The following MYO9B variants were observed in gnomAD, a reference collection of about 807,000 sequenced individuals.
MYO9B encodes unconventional myosin-IXb.
Under a neutral mutation model 229.5 loss-of-function variants are expected in MYO9B, and 71 were observed. That is an observed-to-expected ratio of 0.31 (90% CI 0.26 to 0.38). The LOEUF (loss-of-function observed/expected upper bound fraction) is 0.38, where lower values mean the gene tolerates loss of function less well. Ranked by LOEUF, MYO9B falls within the 10% of genes least tolerant of loss-of-function variation. The probability of loss-of-function intolerance (pLI) is 1.00; values close to 1 mark genes in which losing one functional copy is unlikely to be tolerated. For synonymous variants in MYO9B, 1,185 were observed against 1,235.8 expected, an observed-to-expected ratio of 0.96 and a Z score of 0.86; for missense variants, 2,255 against 2,920.5, an observed-to-expected ratio of 0.77 and a Z score of 5.25.
intron 13 of MYO9B, among the ~76,000 whole-genome samples, chr19:17,175,300 TG>T (rs1300516662): frequency 4.2e-5 from 6 of 142,924 alleles, no homozygotes; most frequent in Non-Finnish European, 6.1e-5. Flanking sequence ...AAAAAAAGGT[TG>T]GGGGGTGTTG....
chr19:17,197,591 CT>C (rs1189173732), intron 22 of MYO9B, among the ~76,000 whole-genome samples, 200 bp from the exon 23 acceptor site: 1 of 152,166 alleles, frequency 6.6e-6, no homozygotes, highest in Non-Finnish European at 1.5e-5. Context: ...CATCCCTGCC[CT>C]CCACTCACCA....
chr19:17,154,938 C>T (rs1467408752), intron 6 of MYO9B, among the ~76,000 whole-genome samples: 3 of 151,940 alleles, frequency 2.0e-5, no homozygotes, highest in Non-Finnish European at 2.9e-5. Flanking sequence ...GAACTAATCA[C>T]GCCACTCTGG....
intron 10 of MYO9B, among the ~76,000 whole-genome samples, chr19:17,167,575 G>A (rs1002105451): frequency 6.6e-6 from 1 of 150,724 alleles, no homozygotes; most frequent in Non-Finnish European, 1.5e-5. Flanking sequence ...CACTTCCCGT[G>A]TTCAAGCGAT....
rs1296510413 is a variant in MYO9B, at chr19:17,198,140, C to T, written c.4114-44C>T. On this transcript the variant is annotated intron_variant, in intron 23 of 39. Coordinates refer to ENST00000682292, the MANE Select transcript of MYO9B (RefSeq NM_004145.4). ...AGGGGCTTCCCCATCTAGCACAGGACTGCCAGCCTTTCCTTAGCAGCCCCC... is the reference window on the plus strand; with the variant it reads ...AGGGGCTTCCCCATCTAGCACAGGATTGCCAGCCTTTCCTTAGCAGCCCCC... 2.5e-6 allele frequency: 4 copies of T among 1,611,384 alleles called. No homozygotes were observed. The South Asian group carries it at 3.3e-5, about 13-fold the overall frequency.
At chr19:17,177,922 C>A in intron 14 of MYO9B, 1 of 152,690 alleles carries the variant, frequency 6.5e-6, no homozygotes. Context: ...CCGAGGCCAG[C>A]AAGGCACCAA....
chr19:17,139,308 G>A (rs1453326619), intron 2 of MYO9B, among the ~76,000 whole-genome samples: 5 of 152,174 alleles, frequency 3.3e-5, no homozygotes, highest in Non-Finnish European at 7.3e-5. Flanking sequence ...CATAGGCCAG[G>A]CCTGGTGGCT....
At chr19:17,190,942 G>A (rs573078249) in intron 19 of MYO9B, among the ~76,000 whole-genome samples, 155 bp from the exon 20 acceptor site, 3 of 152,208 alleles carry the variant, frequency 2.0e-5, no homozygotes, top group East Asian at 3.9e-4. Flanking sequence ...ACCACACCCG[G>A]CCCAGACTAT....
chr19:17,185,454 G>A (rs536783178), intron 17 of MYO9B, among the ~76,000 whole-genome samples: 1 of 151,338 alleles, frequency 6.6e-6, no homozygotes, highest in East Asian at 1.9e-4. Flanking sequence ...GCTGAGGCAG[G>A]AGAATTGCTT....
At chr19:17,189,780 T>C (rs1328429090) in intron 19 of MYO9B, among the ~76,000 whole-genome samples, 1 of 152,056 alleles carries the variant, frequency 6.6e-6, no homozygotes, top group Non-Finnish European at 1.5e-5. Flanking sequence ...TTACAGACTG[T>C]TGGCTGGGCG....
intron 10 of MYO9B, among the ~76,000 whole-genome samples, chr19:17,163,372 C>CTTTTTTTT (rs3031315): frequency 4.3e-5 from 4 of 92,394 alleles, no homozygotes; most frequent in African/African-American, 9.3e-5. Context: ...CCCCATTCCA[C>CTTTTTTTT]TTTTTTTTTT....
chr19:17,087,027 T>C (rs2057589728), intron 1 of MYO9B, among the ~76,000 whole-genome samples: 1 of 152,190 alleles, frequency 6.6e-6, no homozygotes, highest in South Asian at 2.1e-4. Flanking sequence ...CTCCTTGCTT[T>C]GTGGTGAGTG....
intron 2 of MYO9B, among the ~76,000 whole-genome samples, chr19:17,113,520 C>T (rs1465129574): frequency 2.6e-5 from 4 of 152,134 alleles, no homozygotes; most frequent in Admixed American, 2.6e-4. Context: ...GTTATCCACA[C>T]AAACATCTAG....
At position 17,132,537 on chromosome 19, in the gene MYO9B, T is replaced by A. The variant is rs1293454530; in HGVS notation, c.841-12860T>A. ...ATTTATTATTATTATTTTTTTTTTT[T>A]TTTTTTTTTGAGACAGAGTCTCGCT... On this transcript the variant is annotated intron_variant, in intron 2 of 39. Coordinates refer to ENST00000682292, the MANE Select transcript of MYO9B (RefSeq NM_004145.4). Among the ~76,000 whole-genome samples, 339 of 139,954 alleles carry A rather than the reference T, an allele frequency of 2.4e-3. 1 individual carries two copies. Among genetic ancestry groups the A allele is most frequent in the African/African-American group, 7.3e-3 (275 of 37,896 alleles). The allele number at this position is 139,954 out of a possible 152,430, so 91.8% of individuals were successfully genotyped here.
chr19:17,097,531 A>G (rs1378930540), intron 1 of MYO9B, among the ~76,000 whole-genome samples: 3 of 152,216 alleles, frequency 2.0e-5, no homozygotes, highest in Admixed American at 2.0e-4. Flanking sequence ...TAAACTATAC[A>G]GTATATATCT....
chr19:17,153,712 AAAAG>A (rs1217240817), intron 4 of MYO9B, among the ~76,000 whole-genome samples: 2 of 151,616 alleles, frequency 1.3e-5, no homozygotes, highest in East Asian at 1.9e-4. Context: ...AAAAAAAAAG[AAAAG>A]AAAGAAACAT....
chr19:17,145,579 T>C, intron 3 of MYO9B, 88 bp downstream of exon 3: 3 of 1,156,924 alleles, frequency 2.6e-6, no homozygotes, highest in Non-Finnish European at 3.9e-6. Flanking sequence ...GATGTGGAGA[T>C]CATGGCTGTG....
chr19:17,085,236 G>A (rs907076505), intron 1 of MYO9B, among the ~76,000 whole-genome samples: 6 of 152,122 alleles, frequency 3.9e-5, no homozygotes, highest in African/African-American at 1.2e-4. Flanking sequence ...AAAATGGAAC[G>A]AGCTCCCTGT....
At chr19:17,142,145 C>T (rs1287771475) in intron 2 of MYO9B, among the ~76,000 whole-genome samples, 18 of 146,226 alleles carry the variant, frequency 1.2e-4, no homozygotes, top group Admixed American at 6.9e-4. Flanking sequence ...CACCACTGGG[C>T]GACAGCAAGA....
rs753679890 is a variant in MYO9B, at chr19:17,205,970, G to C, written c.5075G>C (p.Gly1692Ala). The change falls in exon 32 of 40, where the codon GGC becomes GCC. Residue 1692 changes from glycine to alanine, a missense_variant. Gly to Ala is a moderately conservative substitution (Grantham distance 60). Transcript: ENST00000682292. ...ACCCCGGCACTGCAGGGCGAGCCAG[G>C]CGTTGAGCCTGGCCACTTCGGCGTG... ...SYTYGRKGEP[G>A]VEPGHFGVCV... 1 of 1,561,282 alleles carries C rather than the reference G, an allele frequency of 6.4e-7. No individual in the cohort carries two copies. Among genetic ancestry groups the C allele is most frequent in the South Asian group, 1.2e-5 (1 of 85,066 alleles).
Sources: gnomAD v4.1 joint callset for allele counts (sites outside exome capture counted in the v4.1 genomes callset) on GRCh38, gnomAD v4.1.1 for gene constraint, MANE v1.5 for transcripts, NCBI Gene and HGNC (gene_info 2026-07-23, HGNC 2026-07-21) for gene names.